Variants in SPEN observed in about 807,000 individuals in gnomAD.
SPEN encodes spen family transcriptional repressor.
SPEN carries 18 observed loss-of-function variants against 269.9 expected under a neutral mutation model. That is an observed-to-expected ratio of 0.07 (90% CI 0.05 to 0.10). The LOEUF is 0.10. SPEN is among the 10% of genes least tolerant of loss of function. SPEN has a pLI of 1.00. For missense variants in SPEN, 3,822 were observed against 4,631.2 expected (o/e 0.83, Z 5.07); for synonymous variants, 1,726 against 1,765.7 (o/e 0.98, Z 0.56).
In SPEN at chr1:15,940,151, C is replaced by T. The variant is rs1187005811; in HGVS notation, c.*724C>T. On this transcript the variant is annotated 3_prime_UTR_variant, in exon 15 of 15. Coordinates refer to ENST00000375759, the MANE Select transcript of SPEN (RefSeq NM_015001.3). The stretch of plus-strand genomic sequence containing the variant: ...TACTGACTTAAAAAATCAAATCCCC[C>T]GACATACGTTTTTTTTAATCTGTGC... The T allele has an allele frequency of 4.9e-5, 11 of 225,116 alleles. No homozygotes were observed. The highest frequency in any genetic ancestry group is 8.8e-5 in the Non-Finnish European group (10 of 113,452). 13.9% of individuals were successfully genotyped at this position (225,116 alleles called of 1,614,324 possible).
chr1:15,858,382 A>G (rs1367907148), intron 1 of SPEN, among the ~76,000 whole-genome samples: 1 of 152,094 alleles, frequency 6.6e-6, no homozygotes, highest in Non-Finnish European at 1.5e-5. Context: ...CTTCCACTCT[A>G]AATTCTCTAG....
chr1:15,904,041 T>C (rs1408239628), intron 3 of SPEN, among the ~76,000 whole-genome samples: 4 of 152,192 alleles, frequency 2.6e-5, no homozygotes, highest in Non-Finnish European at 5.9e-5. Context: ...TTTTAAAAAT[T>C]AAAATGGACA....
At position 15,935,259 on chromosome 1, in the gene SPEN, A is replaced by C; in HGVS notation, c.9019A>C (p.Ile3007Leu). ...CAACCATGTCCCCTCGGGGCCCAGC[A>C]TCCCAGCAGATCGAACTGTCTCCCA... ...EVNHVPSGPSIPADRTVSHLA... is the reference protein window; with the variant it reads ...EVNHVPSGPSLPADRTVSHLA... Residue 3007 changes from isoleucine (I) to leucine (L), a missense_variant, in exon 11 of 15, where the codon ATC becomes CTC. Physicochemically the swap from Ile to Leu is conservative, Grantham distance 5 (BLOSUM62 2). Coordinates refer to ENST00000375759, the MANE Select transcript of SPEN (RefSeq NM_015001.3). This position sits in a 1 kb window ranked among gnomAD's most constrained non-coding sequence, Gnocchi z 7.7. 2 of 1,614,106 alleles carry C rather than the reference A, an allele frequency of 1.2e-6. No individual in the cohort carries two copies. The highest frequency in any genetic ancestry group is 1.7e-6 in the Non-Finnish European group (2 of 1,180,014).
chr1:15,932,509 C>T lies in SPEN; in HGVS notation c.6269C>T (p.Ser2090Phe), dbSNP rs779699872. The T allele has an allele frequency of 6.2e-7, 1 of 1,603,038 alleles. No individual in the cohort carries two copies. Among genetic ancestry groups the T allele is most frequent in the Non-Finnish European group, 8.5e-7 (1 of 1,173,400 alleles). The change falls in exon 11 of 15, where the codon TCT becomes TTT. Residue 2090 changes from serine to phenylalanine, a missense_variant. Around this residue, in one of 16 missense-constraint regions of SPEN, gnomAD observed 727 missense variants for 737.9 expected, o/e 0.99. Transcript: ENST00000375759. The surrounding 1 kb of genome is among the most constrained non-coding windows in gnomAD (Gnocchi z 4.2). ...SRNSRLAVDK[S>F]ASLKNVDAAV... ...AACTCCAGGTTAGCAGTGGACAAAT[C>T]TGCAAGTCTGAAAAATGTGGATGCT...
intron 1 of SPEN, among the ~76,000 whole-genome samples, chr1:15,860,415 GTGTA>G (rs1175263111): frequency 2.1e-5 from 3 of 141,292 alleles, no homozygotes; most frequent in East Asian, 2.0e-4. Flanking sequence ...GTGTGTGTGT[GTGTA>G]TGTGTAGCTA....
chr1:15,874,452 C>A, intron 2 of SPEN: 2 of 1,246,078 alleles, frequency 1.6e-6, no homozygotes, highest in South Asian at 2.8e-5. Context: ...GTCAAACTCT[C>A]TTTTTTTCCC....
In SPEN at chr1:15,935,164, C is replaced by T; in HGVS notation, c.8924C>T (p.Pro2975Leu). 6.2e-7 allele frequency: 1 copy of T among 1,614,040 alleles called. No individual in the cohort carries two copies. The highest frequency in any genetic ancestry group is 8.5e-7 in the Non-Finnish European group (1 of 1,179,958). Residue 2975 changes from proline to leucine, a missense_variant, in exon 11 of 15, where the codon CCG (proline) becomes CTG (leucine). Physicochemically the swap from Pro to Leu is moderately conservative, Grantham distance 98 (BLOSUM62 -3). Transcript: ENST00000375759. The surrounding 1 kb of genome is among the most constrained non-coding windows in gnomAD (Gnocchi z 7.7). ...TLKIETKVLQ[P>L]ANLGSTLTPH... ...AAAATCGAGACCAAGGTCCTTCAGC[C>T]GGCCAACCTGGGGTCCACGCTCACG...
rs1557729960 is a variant in SPEN at position 15,848,760 on chromosome 1, GT to G, written c.83+615del. On this transcript the variant is annotated intron_variant, in intron 1 of 14. Transcript: ENST00000375759. This position sits in a 1 kb window ranked among gnomAD's most constrained non-coding sequence, Gnocchi z 5.1. ...TCACTGGGAATGGCAAACGTTTCTCGTTTTTGCGGGGCTGGGTGGAGAGTGG... is the reference window on the plus strand; with the variant it reads ...TCACTGGGAATGGCAAACGTTTCTCGTTTTGCGGGGCTGGGTGGAGAGTGG... Among the ~76,000 whole-genome samples the G allele has an allele frequency of 2.7e-4, 41 of 152,260 alleles. No individual in the cohort carries two copies. The highest frequency in any genetic ancestry group is 9.1e-4 in the African/African-American group (38 of 41,550).
intron 3 of SPEN, among the ~76,000 whole-genome samples, chr1:15,887,819 C>T (rs1232493948): frequency 2.0e-5 from 3 of 149,994 alleles, no homozygotes; most frequent in South Asian, 2.1e-4. Context: ...GTCAGGAGTT[C>T]GAGACCAACC....
chr1:15,894,661 C>CTCCA (rs1188177698), intron 3 of SPEN, among the ~76,000 whole-genome samples: 1 of 151,246 alleles, frequency 6.6e-6, no homozygotes, highest in Non-Finnish European at 1.5e-5. Flanking sequence ...GTGCCTCAGC[C>CTCCA]TCCAGAATAG....
rs575334068 is a variant in SPEN, at chr1:15,934,368, C to T, written c.8128C>T (p.Pro2710Ser). ...LTGPVNVLTTPVNATVGTVNA... is the reference protein window; with the variant it reads ...LTGPVNVLTTSVNATVGTVNA... ...GGGGCCAGTGAATGTTCTCACCACT[C>T]CAGTGAACGCCACGGTGGGCACAGT... The change falls in exon 11 of 15, where the codon CCA becomes TCA. Residue 2710 changes from proline (P) to serine (S), a missense_variant. Pro to Ser is a moderately conservative substitution (Grantham distance 74). Transcript: ENST00000375759. The surrounding 1 kb of genome is among the most constrained non-coding windows in gnomAD (Gnocchi z 9.2). 4.3e-6 allele frequency: 7 copies of T among 1,613,596 alleles called. No homozygotes were observed. The Admixed American group carries it at 6.7e-5, about 15-fold the overall frequency.
Position 15,928,525 on chromosome 1 carries a change from G to T in SPEN, c.2285G>T (p.Arg762Leu). The T allele has an allele frequency of 6.2e-7, 1 of 1,614,102 alleles. No homozygotes were observed. Among genetic ancestry groups the T allele is most frequent in the South Asian group, 1.1e-5 (1 of 91,078 alleles). ...ERRLYSRSSD[R>L]SGSCSSLSPP... ...AGGCTTTACAGCCGATCCTCAGACC[G>T]GAGTGGAAGCTGTAGCTCACTCTCC... The change falls in exon 11 of 15, where the codon CGG becomes CTG. Residue 762 changes from arginine (R) to leucine (L), a missense_variant. By Grantham distance (102) the Arg-to-Leu change is moderately radical. Transcript: ENST00000375759. This position sits in a 1 kb window ranked among gnomAD's most constrained non-coding sequence, Gnocchi z 5.7.
rs2071064942 is a variant in SPEN, at chr1:15,916,111, C to T, written c.1244-17C>T. 2 of 1,600,512 alleles carry T rather than the reference C, an allele frequency of 1.2e-6. No individual in the cohort carries two copies. Among genetic ancestry groups the T allele is most frequent in the South Asian group, 1.1e-5 (1 of 88,410 alleles). On this transcript the variant is annotated splice_polypyrimidine_tract_variant and intron_variant, in intron 5 of 14. Transcript: ENST00000375759. ...ATACTGTCTTCTCTTTTTACTCGGC[C>T]CCCATTCCACTTACAGAAACAGAAA...
At chr1:15,883,325 A>G (rs1296573248) in intron 3 of SPEN, among the ~76,000 whole-genome samples, 1 of 152,232 alleles carries the variant, frequency 6.6e-6, no homozygotes, top group Non-Finnish European at 1.5e-5. Context: ...AAGAACTTCA[A>G]GTAACCAAAC....
chr1:15,874,149 T>G (rs1441243459), intron 2 of SPEN: 3 of 1,365,480 alleles, frequency 2.2e-6, no homozygotes, highest in Admixed American at 1.9e-5. Context: ...GTCTGCTATC[T>G]CAAGAAAGAA....
chr1:15,897,852 T>C (rs2070857790), intron 3 of SPEN, among the ~76,000 whole-genome samples: 1 of 152,218 alleles, frequency 6.6e-6, no homozygotes, highest in Admixed American at 6.5e-5. Context: ...CTATCCTAAA[T>C]TTAAAGAGTT....
In SPEN at chr1:15,928,560, T is replaced by C. The variant is rs760583464; in HGVS notation, c.2320T>C (p.Tyr774His). 2.5e-6 allele frequency: 4 copies of C among 1,613,824 alleles called. No homozygotes were observed. In the Admixed American group the frequency reaches 5.0e-5, roughly 20 times the overall value. The change falls in exon 11 of 15, where the codon TAT (tyrosine) becomes CAT (histidine). Residue 774 changes from tyrosine (Y) to histidine (H), a missense_variant. Physicochemically the swap from Tyr to His is moderately conservative, Grantham distance 83. Transcript: ENST00000375759. This position sits in a 1 kb window ranked among gnomAD's most constrained non-coding sequence, Gnocchi z 5.7. ...CTGTAGCTCACTCTCCCCTCCAAGA[T>C]ATGAGAAACTGGACAAGTCTCGTTT... ...GSCSSLSPPR[Y>H]EKLDKSRLER...
rs868433034 is a variant in SPEN at position 15,938,475 on chromosome 1, G to C, written c.10705-243G>C. On this transcript the variant is annotated intron_variant, in intron 13 of 14. Transcript: ENST00000375759. ...CCACTATGCTTCTACTTGGTGGGGG[G>C]ATGTAAAGTACCTCTAGACCCAGAA... 6.8e-4 allele frequency: 267 copies of C among 393,072 alleles called. 1 individual carries two copies. The highest frequency in any genetic ancestry group is 1.0e-3 in the Non-Finnish European group (222 of 220,532). The allele number at this position is 393,072 out of a possible 1,614,324, so 24.3% of individuals were successfully genotyped here. A position where few individuals can be genotyped will look rare whatever the true frequency, so the allele number is the denominator to read the frequency against.
chr1:15,904,349 C>A (rs1224898172), intron 3 of SPEN, among the ~76,000 whole-genome samples: 1 of 148,076 alleles, frequency 6.8e-6, no homozygotes, highest in Admixed American at 6.9e-5. Flanking sequence ...TGGCGGCCAA[C>A]AAACTACTTG....
Sources: allele counts gnomAD v4.1 joint callset (sites outside exome capture counted in the v4.1 genomes callset), GRCh38; gene constraint gnomAD v4.1.1; regional missense constraint gnomAD v4.1.1; non-coding constraint Gnocchi (gnomAD v3.1); transcripts MANE v1.5; gene names NCBI Gene and HGNC (gene_info 2026-07-23, HGNC 2026-07-21).